DNAH3: variants seen among roughly 807,000 people sequenced by gnomAD.
The protein encoded by DNAH3 is dynein axonemal heavy chain 3.
DNAH3 carries 332 observed loss-of-function variants against 432.5 expected under a neutral mutation model. The ratio of observed to expected loss-of-function variants is 0.77; its 90% CI spans 0.70 to 0.84. The LOEUF is 0.84. Ranked by LOEUF, DNAH3 falls within the 40% of genes least tolerant of loss-of-function variation. The pLI is 0.00. For missense variants in DNAH3, 4,861 were observed against 5,114.0 expected, an observed-to-expected ratio of 0.95 and a Z score of 1.51; for synonymous variants, 1,956 against 1,900.2, an observed-to-expected ratio of 1.03 and a Z score of -0.76.
At chr16:21,016,456 T>G (rs1386770711) in intron 41 of DNAH3, among the ~76,000 whole-genome samples, 1 of 152,186 alleles carries the variant, frequency 6.6e-6, no homozygotes, top group Admixed American at 6.5e-5. Flanking sequence ...AAAATAAGAA[T>G]GAACTTCATA....
exon 1 of DNAH3, chr16:21,159,354 G>T (rs1464474564): frequency 1.9e-6 from 3 of 1,613,942 alleles, no homozygotes; most frequent in Non-Finnish European, 2.5e-6. Flanking sequence ...TCCTCTCCTT[G>T]GGTCTCCCTG....
At chr16:20,980,832 A>G (rs1426258000) in intron 49 of DNAH3, among the ~76,000 whole-genome samples, 3 of 152,216 alleles carry the variant, frequency 2.0e-5, no homozygotes, top group Non-Finnish European at 4.4e-5. Flanking sequence ...TAAATCAGGG[A>G]TTAGTAAACC....
At position 21,069,491 on chromosome 16, in the gene DNAH3, A is replaced by G. The variant is rs1042327060; in HGVS notation, c.3305T>C (p.Ile1102Thr). ...CCCCTCTTCTGGCATCTGGGCTATG[A>G]TGTCCTCTGAACTGAAGATTGGTTC... The change falls in exon 23 of 62, where the codon ATC becomes ACC. Residue 1102 changes from isoleucine to threonine, a missense_variant. Physicochemically the swap from Ile to Thr is moderately conservative, Grantham distance 89. Coordinates refer to ENST00000261383, the Ensembl canonical transcript of DNAH3. 3 of 1,614,034 alleles carry G rather than the reference A, an allele frequency of 1.9e-6. No homozygotes were observed. In the African/African-American group the frequency reaches 4.0e-5, roughly 22 times the overall value.
chr16:21,069,633 C>A (rs1220574223), intron 22 of DNAH3, 39 bp from the exon 23 acceptor site: 2 of 1,562,644 alleles, frequency 1.3e-6, no homozygotes, highest in Admixed American at 1.8e-5. Context: ...CATTAACCTG[C>A]CACTCTGCAT....
chr16:21,040,007 C>G (rs770289137), intron 32 of DNAH3, 64 bp from the exon 33 acceptor site: 44 of 1,339,802 alleles, frequency 3.3e-5, no homozygotes, highest in Non-Finnish European at 4.6e-5. Context: ...AACGCACATT[C>G]ACAGAAGCAA....
At chr16:21,026,958 A>G in intron 38 of DNAH3, 69 bp downstream of exon 38, 2 of 1,069,220 alleles carry the variant, frequency 1.9e-6, no homozygotes, top group Non-Finnish European at 2.8e-6. Context: ...GAAATTTGAG[A>G]GCTTTCTCTT....
At chr16:21,139,447 T>A (rs1567860422) in intron 5 of DNAH3, among the ~76,000 whole-genome samples, 1 of 148,690 alleles carries the variant, frequency 6.7e-6, no homozygotes, top group Admixed American at 6.9e-5. Context: ...AGGGATAGGT[T>A]GTCTTGTCCT....
exon 31 of DNAH3, chr16:21,049,662 G>C (rs372384510): frequency 5.0e-6 from 8 of 1,614,070 alleles, no homozygotes; most frequent in Non-Finnish European, 6.8e-6. Flanking sequence ...CCAAACCATC[G>C]GAGCAGTTGA....
chr16:21,111,932 C>G, intron 13 of DNAH3, 61 bp downstream of exon 13: 1 of 1,554,250 alleles, frequency 6.4e-7, no homozygotes, highest in African/African-American at 1.4e-5. Context: ...ACACTAACTG[C>G]TCATTGGATT....
chr16:21,140,454 C>T, intron 5 of DNAH3, 82 bp downstream of exon 6: 2 of 1,412,388 alleles, frequency 1.4e-6, no homozygotes, highest in Non-Finnish European at 2.0e-6. Flanking sequence ...GGTGATTCTG[C>T]TGTTCTCCCT....
In DNAH3 at chr16:21,062,702, A is replaced by G; in HGVS notation, c.3519-19T>C. On this transcript the variant is annotated intron_variant, in intron 24 of 61. Coordinates refer to ENST00000261383, the Ensembl canonical transcript of DNAH3. ...GAAGAATCTATTTCAAAGCAAAGAAAGATGGTAACTGGAACCTCTTCCAAG... is the reference window on the plus strand; with the variant it reads ...GAAGAATCTATTTCAAAGCAAAGAAGGATGGTAACTGGAACCTCTTCCAAG... The G allele has an allele frequency of 6.2e-7, 1 of 1,601,294 alleles. No homozygotes were observed. The highest frequency in any genetic ancestry group is 8.5e-7 in the Non-Finnish European group (1 of 1,171,860).
intron 27 of DNAH3, 86 bp from the exon 28 acceptor site, chr16:21,054,620 C>A: frequency 3.9e-6 from 4 of 1,021,310 alleles, no homozygotes; most frequent in South Asian, 1.5e-5. Context: ...CATGGACCAC[C>A]GGATGGCTCA....
At chr16:21,042,795 A>T (rs578074812) in intron 31 of DNAH3, among the ~76,000 whole-genome samples, 1 of 152,270 alleles carries the variant, frequency 6.6e-6, no homozygotes, top group South Asian at 2.1e-4. Context: ...AGCATTAAGT[A>T]TATCTCCCGA....
chr16:21,142,149 G>A (rs539942234), intron 3 of DNAH3, among the ~76,000 whole-genome samples: 22 of 152,062 alleles, frequency 1.4e-4, no homozygotes, highest in East Asian at 1.4e-3. Flanking sequence ...GGCAGATCAC[G>A]AGGTCAGGAG....
intron 51 of DNAH3, 125 bp from the exon 52 acceptor site, chr16:20,970,115 A>C: frequency 8.1e-6 from 7 of 865,382 alleles, no homozygotes; most frequent in Non-Finnish European, 1.3e-5. Context: ...ACCCTTTAAC[A>C]TGGTGCCTGC....
chr16:20,995,737 T>A (rs1404946091), intron 44 of DNAH3, among the ~76,000 whole-genome samples: 1 of 152,208 alleles, frequency 6.6e-6, no homozygotes, highest in African/African-American at 2.4e-5. Context: ...GGTCCTGCCT[T>A]GGAAGGGGAC....
chr16:20,948,715 A>T, intron 56 of DNAH3, 78 bp from the exon 57 acceptor site: 1 of 1,491,254 alleles, frequency 6.7e-7, no homozygotes, highest in Admixed American at 1.8e-5. Context: ...AAAACACGGC[A>T]TTCTTCCGGC....
At chr16:20,953,927 T>C (rs1186766834) in intron 55 of DNAH3, among the ~76,000 whole-genome samples, 1 of 152,080 alleles carries the variant, frequency 6.6e-6, no homozygotes, top group African/African-American at 2.4e-5. Flanking sequence ...TTTATTTCAC[T>C]TAGCGTAATG....
At chr16:21,148,889 C>G (rs191224538) in intron 1 of DNAH3, among the ~76,000 whole-genome samples, 8 of 152,046 alleles carry the variant, frequency 5.3e-5, no homozygotes, top group African/African-American at 1.7e-4. Flanking sequence ...TTCAAGAGAT[C>G]GAGATTCTCA....
Sources: gnomAD v4.1 joint callset for allele counts (sites outside exome capture counted in the v4.1 genomes callset) on GRCh38, gnomAD v4.1.1 for gene constraint, MANE v1.5 for transcripts, NCBI Gene and HGNC (gene_info 2026-07-23, HGNC 2026-07-21) for gene names.